The following RUVBL1 variants were observed in gnomAD, a reference collection of about 807,000 sequenced individuals.
RUVBL1 encodes ruvB-like 1.
A neutral mutation model predicts 52.4 loss-of-function variants in RUVBL1; 4 were observed. The observed-to-expected ratio is 0.08, with a 90% confidence interval of 0.04 to 0.17. The LOEUF is 0.17. RUVBL1 is among the 10% of genes least tolerant of loss of function. The probability of loss-of-function intolerance (pLI) is 1.00; values close to 1 mark genes in which losing one functional copy is unlikely to be tolerated. For missense variants in RUVBL1, 298 were observed against 572.8 expected (o/e 0.52, Z 4.90); for synonymous variants, 217 against 214.4 (o/e 1.01, Z -0.10).
At chr3:128,150,041 G>A (rs1944163328) in intron 1 of RUVBL1, among the ~76,000 whole-genome samples, 1 of 152,176 alleles carries the variant, frequency 6.6e-6, no homozygotes, top group Non-Finnish European at 1.5e-5. Flanking sequence ...TGTGCAGCAC[G>A]TTCTTTCATC....
At chr3:128,089,928 A>C (rs890149115) in intron 8 of RUVBL1, among the ~76,000 whole-genome samples, 3 of 150,638 alleles carry the variant, frequency 2.0e-5, no homozygotes, top group Admixed American at 6.6e-5. Context: ...AAAAAAAAAA[A>C]AAAAAAAAAA....
chr3:128,099,283 T>C (rs1464133456), intron 6 of RUVBL1, among the ~76,000 whole-genome samples: 1 of 152,202 alleles, frequency 6.6e-6, no homozygotes, highest in African/African-American at 2.4e-5. Context: ...TCAATGCTTT[T>C]GAGTCTATTC....
At chr3:128,120,287 T>G (rs1943613681) in intron 1 of RUVBL1, among the ~76,000 whole-genome samples, 1 of 152,244 alleles carries the variant, frequency 6.6e-6, no homozygotes, top group Non-Finnish European at 1.5e-5. Flanking sequence ...CAGTGAACAC[T>G]GTAAATACTG....
At chr3:128,068,388 C>T (rs754413155) in intron 9 of RUVBL1, among the ~76,000 whole-genome samples, 18 of 152,162 alleles carry the variant, frequency 1.2e-4, no homozygotes, top group Non-Finnish European at 1.6e-4. Context: ...TGGCTCATGC[C>T]GGTGGGGTGC....
chr3:128,072,022 A>C (rs1350917865), intron 9 of RUVBL1, among the ~76,000 whole-genome samples: 1 of 152,184 alleles, frequency 6.6e-6, no homozygotes, highest in African/African-American at 2.4e-5. Context: ...GGGCCCCATA[A>C]CTCGAAGCCC....
Position 128,094,480 on chromosome 3 carries a change from C to A in RUVBL1, c.1016+2820G>T, listed in dbSNP as rs2107683526. ...AGGCAGCACCCCGTCAAAGCTCCAT[C>A]CCCGCTCACAGCCCAGGGTCCACTG... On this transcript the variant is annotated intron_variant, in intron 8 of 10. Transcript: ENST00000322623. Among the ~76,000 whole-genome samples, 3 of 152,356 alleles carry A rather than the reference C, an allele frequency of 2.0e-5. No homozygotes were observed. In the East Asian group the frequency reaches 5.8e-4, roughly 29 times the overall value.
chr3:128,148,749 T>G (rs73192977), intron 1 of RUVBL1, among the ~76,000 whole-genome samples: 22,782 of 152,156 alleles, frequency 0.15, 1,829 homozygotes, highest in Admixed American at 0.2. Context: ...CACATATATA[T>G]AGAGAGTGCA....
Position 128,064,818 on chromosome 3 carries a change from T to C in RUVBL1, c.*394A>G, listed in dbSNP as rs905868588. On this transcript the variant is annotated 3_prime_UTR_variant, in exon 10 of 10. Coordinates refer to the RUVBL1 transcript ENST00000464873. Reference sequence around the variant, plus strand: ...CTTTTTATTTGTCTGCTAAGAAGGCTAGAAGCAAATTGAGTTGCCTGTTCG... The same window carrying C: ...CTTTTTATTTGTCTGCTAAGAAGGCCAGAAGCAAATTGAGTTGCCTGTTCG... 11 of 1,460,392 alleles carry C rather than the reference T, an allele frequency of 7.5e-6. No individual in the cohort carries two copies. In the South Asian group the frequency reaches 8.0e-5, roughly 11 times the overall value. 90.5% of individuals were successfully genotyped at this position (1,460,392 alleles called of 1,614,324 possible).
chr3:128,122,402 T>C (rs1335178146), intron 1 of RUVBL1, among the ~76,000 whole-genome samples: 2 of 152,244 alleles, frequency 1.3e-5, no homozygotes, highest in Admixed American at 6.5e-5. Context: ...TTCAACTTTT[T>C]TTGTGTCTGA....
At chr3:128,143,799 C>T (rs775316441) in intron 1 of RUVBL1, among the ~76,000 whole-genome samples, 2 of 152,110 alleles carry the variant, frequency 1.3e-5, no homozygotes, top group Non-Finnish European at 2.9e-5. Flanking sequence ...CAGGCTCATC[C>T]CTGGAACTGA....
At chr3:128,094,919 A>G (rs1470035406) in intron 8 of RUVBL1, among the ~76,000 whole-genome samples, 1 of 152,198 alleles carries the variant, frequency 6.6e-6, no homozygotes. Context: ...CACTACAACA[A>G]ATTTCCTACT....
chr3:128,082,348 C>T lies in RUVBL1; in HGVS notation c.1211+135G>A. 1.5e-6 allele frequency: 1 copy of T among 665,068 alleles called. No individual in the cohort carries two copies. Among genetic ancestry groups the T allele is most frequent in the Non-Finnish European group, 2.7e-6 (1 of 376,316 alleles). 41.2% of individuals were successfully genotyped at this position (665,068 alleles called of 1,614,324 possible). ...CATTTGAAACTCAAGTGCCCTGGCACCCATCGCGCCAGGAAGAGCGGATGG... is the reference window on the plus strand; with the variant it reads ...CATTTGAAACTCAAGTGCCCTGGCATCCATCGCGCCAGGAAGAGCGGATGG... On this transcript the variant is annotated intron_variant, in intron 10 of 10. Coordinates refer to ENST00000322623, the MANE Select transcript of RUVBL1 (RefSeq NM_003707.3). The surrounding 1 kb of genome is among the most constrained non-coding windows in gnomAD (Gnocchi z 4.7).
At chr3:128,093,355 T>C (rs1942892545) in intron 8 of RUVBL1, among the ~76,000 whole-genome samples, 1 of 152,324 alleles carries the variant, frequency 6.6e-6, no homozygotes, top group African/African-American at 2.4e-5. Context: ...GGACGATGAC[T>C]ATTGATGGGT....
At chr3:128,089,597 A>T (rs1942766840) in intron 8 of RUVBL1, among the ~76,000 whole-genome samples, 1 of 152,256 alleles carries the variant, frequency 6.6e-6, no homozygotes, top group African/African-American at 2.4e-5. Context: ...AGGTATAAAA[A>T]TGCATATTTA....
At chr3:128,113,224 C>A (rs1029362648) in intron 2 of RUVBL1, among the ~76,000 whole-genome samples, 1 of 152,178 alleles carries the variant, frequency 6.6e-6, no homozygotes, top group East Asian at 1.9e-4. Flanking sequence ...CCTATAATTA[C>A]AAGTTATCAT....
chr3:128,096,905 A>G (rs1003209579), intron 8 of RUVBL1, among the ~76,000 whole-genome samples: 2 of 152,184 alleles, frequency 1.3e-5, no homozygotes, highest in African/African-American at 4.8e-5. Flanking sequence ...GATGAGGGAC[A>G]AGTTATGATT....
intron 9 of RUVBL1, among the ~76,000 whole-genome samples, chr3:128,072,139 G>A (rs1467465478): frequency 2.6e-5 from 4 of 152,240 alleles, no homozygotes; most frequent in Admixed American, 2.0e-4. Flanking sequence ...ACCCAGTGTT[G>A]TGTGGGTGGG....
rs773763270 is a variant in RUVBL1, at chr3:128,098,864, G to A, written c.817+18C>T. The A allele has an allele frequency of 1.9e-6, 3 of 1,611,776 alleles. No homozygotes were observed. In the Admixed American group the frequency reaches 5.0e-5, roughly 27 times the overall value. On this transcript the variant is annotated intron_variant, in intron 7 of 10. Coordinates refer to ENST00000322623, the MANE Select transcript of RUVBL1 (RefSeq NM_003707.3). ...CTCCGCCCTGCCCCTTGCTCACAGGGCACACTGGTTCTCCTACCTGTGATT... is the reference window on the plus strand; with the variant it reads ...CTCCGCCCTGCCCCTTGCTCACAGGACACACTGGTTCTCCTACCTGTGATT...
chr3:128,082,134 G>A lies in RUVBL1; in HGVS notation c.1211+349C>T, dbSNP rs372503648. The A allele has an allele frequency of 1.9e-3, 407 of 212,090 alleles. 3 individuals carry two copies. The Middle Eastern group carries it at 0.04, about 21-fold the overall frequency. 13.1% of individuals were successfully genotyped at this position (212,090 alleles called of 1,614,324 possible). A position where few individuals can be genotyped will look rare whatever the true frequency, so the allele number is the denominator to read the frequency against. On this transcript the variant is annotated intron_variant, in intron 10 of 10. Transcript: ENST00000322623. This position sits in a 1 kb window ranked among gnomAD's most constrained non-coding sequence, Gnocchi z 4.7. ...ATTTACCAGGCCTCATAACACCACC[G>A]GGAGAACAGGAGCCAGGGCCCTGGC...
Sources: gnomAD v4.1 joint callset for allele counts (sites outside exome capture counted in the v4.1 genomes callset) on GRCh38, gnomAD v4.1.1 for gene constraint, Gnocchi (gnomAD v3.1) non-coding constraint, MANE v1.5 for transcripts, NCBI Gene and HGNC (gene_info 2026-07-23, HGNC 2026-07-21) for gene names.